The following NOL4 variants were observed in gnomAD, a reference collection of about 807,000 sequenced individuals.
NOL4 encodes the protein cancer/testis antigen 125.
In NOL4, 17 loss-of-function variants were observed where a neutral mutation model predicts 75.9. The ratio of observed to expected loss-of-function variants is 0.22; its 90% confidence interval spans 0.15 to 0.34. NOL4 has a LOEUF of 0.34. Ranked by LOEUF, NOL4 falls within the 10% of genes least tolerant of loss-of-function variation. NOL4 has a pLI of 1.00. For missense variants in NOL4, 614 were observed against 793.5 expected (o/e 0.77, Z 2.72); for synonymous variants, 292 against 289.9 (o/e 1.01, Z -0.07).
At chr18:33,910,836 CA>C (rs1304154251) in intron 9 of NOL4, among the ~76,000 whole-genome samples, 1 of 152,048 alleles carries the variant, frequency 6.6e-6, no homozygotes, top group Non-Finnish European at 1.5e-5. Flanking sequence ...CAAAAGTATA[CA>C]ACCCTCTTGG....
chr18:34,106,281 A>G (rs1600608452), intron 2 of NOL4, among the ~76,000 whole-genome samples: 1 of 152,102 alleles, frequency 6.6e-6, no homozygotes, highest in East Asian at 1.9e-4. Context: ...GCCAGGCTAC[A>G]GAAGCCTAGC....
intron 1 of NOL4, among the ~76,000 whole-genome samples, chr18:34,155,735 C>T (rs1207878145): frequency 1.3e-5 from 2 of 152,040 alleles, no homozygotes; most frequent in African/African-American, 2.4e-5. Flanking sequence ...TTGACCAAAA[C>T]ATTATTATGC....
At chr18:34,105,395 T>A (rs941675873) in intron 2 of NOL4, among the ~76,000 whole-genome samples, 4 of 152,042 alleles carry the variant, frequency 2.6e-5, no homozygotes, top group African/African-American at 9.7e-5. Flanking sequence ...CACATCTCGA[T>A]GGGCATCTGT....
Position 34,159,199 on chromosome 18 carries a change from T to TC in NOL4, c.265-29180dup, listed in dbSNP as rs575451246. ...CCACCCTGTCAGCCTCCTCCTCGCC[T>TC]CCCCCGACCTGCAGGCGCGCTAAGC... On this transcript the variant is annotated intron_variant, in intron 1 of 10. Coordinates refer to ENST00000261592, the MANE Select transcript of NOL4 (RefSeq NM_003787.5). Among the ~76,000 whole-genome samples the TC allele has an allele frequency of 4.0e-4, 61 of 152,068 alleles. No homozygotes were observed. In the East Asian group the frequency reaches 7.6e-3, roughly 19 times the overall value.
intron 9 of NOL4, among the ~76,000 whole-genome samples, chr18:33,896,874 G>C (rs1315835077): frequency 1.3e-5 from 2 of 152,054 alleles, no homozygotes; most frequent in Non-Finnish European, 2.9e-5. Context: ...CCATGCATCT[G>C]ACAAAAGTCT....
Position 33,871,025 on chromosome 18 carries a change from C to T in NOL4, c.1723+12219G>A, listed in dbSNP as rs1056165753. ...AGGCAAAACTTGCACTGTGTGGACTCACATTCAAATGTATCTACTTCCACT... is the reference window on the plus strand; with the variant it reads ...AGGCAAAACTTGCACTGTGTGGACTTACATTCAAATGTATCTACTTCCACT... On this transcript the variant is annotated intron_variant, in intron 10 of 10. Coordinates refer to ENST00000261592, the MANE Select transcript of NOL4 (RefSeq NM_003787.5). Among the ~76,000 whole-genome samples, 3 of 152,046 alleles carry T rather than the reference C, an allele frequency of 2.0e-5. No individual in the cohort carries two copies. The South Asian group carries it at 6.2e-4, about 32-fold the overall frequency.
At chr18:34,042,345 A>G (rs796811254) in intron 5 of NOL4, among the ~76,000 whole-genome samples, 4 of 152,138 alleles carry the variant, frequency 2.6e-5, no homozygotes, top group African/African-American at 9.6e-5. Flanking sequence ...GCAAGTAAAG[A>G]ATAAAACTGT....
intron 6 of NOL4, among the ~76,000 whole-genome samples, chr18:33,963,785 A>G (rs1164008959): frequency 6.6e-6 from 1 of 152,130 alleles, no homozygotes; most frequent in Non-Finnish European, 1.5e-5. Context: ...AAATTTTCCC[A>G]TCCCAATAGA....
intron 8 of NOL4, among the ~76,000 whole-genome samples, chr18:33,956,144 A>C (rs1444493994): frequency 6.6e-6 from 1 of 152,104 alleles, no homozygotes; most frequent in East Asian, 1.9e-4. Flanking sequence ...ATTTAAGATC[A>C]GGACACCTTC....
chr18:34,030,235 T>C (rs1471042519), intron 5 of NOL4, among the ~76,000 whole-genome samples: 6 of 152,244 alleles, frequency 3.9e-5, no homozygotes, highest in Admixed American at 3.9e-4. Context: ...TACTCATTTT[T>C]AAAGGATACA....
chr18:33,950,832 A>G (rs2069168034), intron 8 of NOL4, among the ~76,000 whole-genome samples: 1 of 152,178 alleles, frequency 6.6e-6, no homozygotes, highest in Non-Finnish European at 1.5e-5. Flanking sequence ...TTCCCAGGAA[A>G]GGGAACTGTG....
chr18:34,198,051 G>A (rs1387975986), intron 1 of NOL4, among the ~76,000 whole-genome samples: 3 of 151,814 alleles, frequency 2.0e-5, no homozygotes, highest in Admixed American at 6.6e-5. Flanking sequence ...AGAATACAGT[G>A]AAACCTAGTC....
At chr18:33,894,486 C>T (rs1343213706) in intron 9 of NOL4, among the ~76,000 whole-genome samples, 1 of 152,028 alleles carries the variant, frequency 6.6e-6, no homozygotes, top group African/African-American at 2.4e-5. Context: ...AAAGATGCTC[C>T]CAAACCCACT....
intron 1 of NOL4, among the ~76,000 whole-genome samples, chr18:34,194,492 G>A (rs1167135112): frequency 1.3e-5 from 2 of 151,124 alleles, no homozygotes; most frequent in Middle Eastern, 3.2e-3. Flanking sequence ...AGGCAGGCGA[G>A]AAAAGAATGA....
Position 33,923,107 on chromosome 18 carries a change from C to T in NOL4, c.1542+19958G>A, listed in dbSNP as rs149726143. Among the ~76,000 whole-genome samples, 967 of 152,114 alleles carry T rather than the reference C, an allele frequency of 6.4e-3. 5 individuals carry two copies. Among genetic ancestry groups the T allele is most frequent in the Non-Finnish European group, 0.012 (795 of 67,926 alleles). ...GACAAAATACAATTTTAAAATTTCT[C>T]CTATAGGTGGAAGTATATATTGATT... On this transcript the variant is annotated intron_variant, in intron 9 of 10. Coordinates refer to ENST00000261592, the MANE Select transcript of NOL4 (RefSeq NM_003787.5).
intron 5 of NOL4, among the ~76,000 whole-genome samples, chr18:34,055,579 G>T (rs1333480583): frequency 6.6e-6 from 1 of 152,110 alleles, no homozygotes; most frequent in East Asian, 1.9e-4. Context: ...TCCTGGTGGA[G>T]TCTCTATGGA....
intron 1 of NOL4, among the ~76,000 whole-genome samples, chr18:34,200,161 G>GA (rs1475669715): frequency 4.0e-5 from 6 of 151,776 alleles, no homozygotes; most frequent in Admixed American, 3.3e-4. Flanking sequence ...ACTACTATGA[G>GA]GAAAAGCTCA....
intron 5 of NOL4, among the ~76,000 whole-genome samples, chr18:34,073,029 A>C (rs2077588902): frequency 2.0e-5 from 3 of 152,132 alleles, no homozygotes; most frequent in African/African-American, 4.8e-5. Context: ...AAAACAAATT[A>C]AATGCAAACT....
chr18:34,162,190 G>A (rs1244924842), intron 1 of NOL4, among the ~76,000 whole-genome samples: 3 of 152,048 alleles, frequency 2.0e-5, no homozygotes, highest in African/African-American at 7.2e-5. Flanking sequence ...AGAAAAGCAA[G>A]AGCAAACACA....
Sources: gnomAD v4.1 joint callset for allele counts (sites outside exome capture counted in the v4.1 genomes callset) on GRCh38, gnomAD v4.1.1 for gene constraint, MANE v1.5 for transcripts, NCBI Gene and HGNC (gene_info 2026-07-23, HGNC 2026-07-21) for gene names.